CATSPER3: variants seen among roughly 807,000 people sequenced by gnomAD.
CATSPER3 encodes the protein cation channel sperm-associated protein 3.
CATSPER3 carries 23 observed loss-of-function variants against 36.6 expected under a neutral mutation model. The ratio of observed to expected loss-of-function variants is 0.63; its 90% confidence interval spans 0.45 to 0.89. The LOEUF (loss-of-function observed/expected upper bound fraction) is 0.89. Among genes scored for constraint, CATSPER3 ranks in the 40% least tolerant of loss-of-function variants. The pLI is 0.00. For missense variants in CATSPER3, 474 were observed against 503.9 expected, an observed-to-expected ratio of 0.94 and a Z score of 0.57; for synonymous variants, 172 against 184.1, an observed-to-expected ratio of 0.93 and a Z score of 0.53.
Position 134,969,970 on chromosome 5 carries a change from A to AAG in CATSPER3, c.135_136dup (p.Val46GlufsTer3). The AAG allele has an allele frequency of 6.2e-7, 1 of 1,614,072 alleles. No homozygotes were observed. Reference sequence around the variant, plus strand: ...CGATGATGAATGTCGGGCATTTGTGAAGAGAGTCATAATGAGCCGTTTCTT... The same window carrying AAG: ...CGATGATGAATGTCGGGCATTTGTGAAGAGAGAGTCATAATGAGCCGTTTCTT... On this transcript the variant is annotated frameshift_variant, in exon 2 of 8. Coordinates refer to ENST00000282611, the MANE Select transcript of CATSPER3 (RefSeq NM_178019.3). LOFTEE classifies it high-confidence loss of function.
chr5:134,989,119 A>C (rs1158176805), intron 2 of CATSPER3, among the ~76,000 whole-genome samples: 1 of 152,178 alleles, frequency 6.6e-6, no homozygotes, highest in Non-Finnish European at 1.5e-5. Context: ...AGGTCTCAAC[A>C]GTGAGCTTAA....
chr5:134,996,633 G>C, intron 3 of CATSPER3, 121 bp downstream of exon 3: 1 of 899,290 alleles, frequency 1.1e-6, no homozygotes, highest in Non-Finnish European at 1.8e-6. Flanking sequence ...AACGTGTGTG[G>C]CAGGTTGATC....
chr5:135,009,354 A>T lies in CATSPER3; in HGVS notation c.817-17A>T. On this transcript the variant is annotated splice_polypyrimidine_tract_variant and intron_variant, in intron 5 of 7. Transcript: ENST00000282611. ...TAGCGAGAGCCTGTAGTTGACCTCC[A>T]TCGTCTGACTCTCTAGGACTCCATC... 1 of 1,612,866 alleles carries T rather than the reference A, an allele frequency of 6.2e-7. No homozygotes were observed.
intron 2 of CATSPER3, among the ~76,000 whole-genome samples, chr5:134,973,708 T>A (rs1362241898): frequency 6.6e-6 from 1 of 152,214 alleles, no homozygotes; most frequent in Non-Finnish European, 1.5e-5. Flanking sequence ...ATAATTGCCA[T>A]GTATTGAAAC....
At chr5:135,002,828 A>G (rs891909897) in intron 3 of CATSPER3, among the ~76,000 whole-genome samples, 1 of 151,874 alleles carries the variant, frequency 6.6e-6, no homozygotes, top group African/African-American at 2.4e-5. Flanking sequence ...CCTTCTCTAC[A>G]CTGGTTATTC....
chr5:134,998,404 G>T (rs1469139328), intron 3 of CATSPER3, among the ~76,000 whole-genome samples: 3 of 152,196 alleles, frequency 2.0e-5, no homozygotes, highest in African/African-American at 7.2e-5. Flanking sequence ...CTTTATAGCA[G>T]CATGATTTAT....
intron 3 of CATSPER3, among the ~76,000 whole-genome samples, chr5:135,004,084 C>T (rs1311175900): frequency 2.0e-5 from 3 of 152,356 alleles, no homozygotes; most frequent in Non-Finnish European, 4.4e-5. Context: ...CTTATTCAGC[C>T]ATCATCTCCT....
chr5:134,997,454 A>C (rs935166847), intron 3 of CATSPER3, among the ~76,000 whole-genome samples: 1 of 152,154 alleles, frequency 6.6e-6, no homozygotes, highest in Non-Finnish European at 1.5e-5. Flanking sequence ...CTTCTGGGGA[A>C]AGGTGTCTGT....
At chr5:134,981,853 G>A (rs1751755894) in intron 2 of CATSPER3, among the ~76,000 whole-genome samples, 1 of 152,212 alleles carries the variant, frequency 6.6e-6, no homozygotes, top group South Asian at 2.1e-4. Context: ...AAAGAGGCCA[G>A]GTGCGGTGGC....
intron 1 of CATSPER3, 134 bp downstream of exon 1, chr5:134,968,223 A>G (rs149288152): frequency 2.7e-4 from 191 of 707,860 alleles, no homozygotes; most frequent in African/African-American, 2.6e-3. Flanking sequence ...GTCCTTGACA[A>G]TCTGGTTTCT....
Position 134,996,408 on chromosome 5 carries a change from G to A in CATSPER3, c.388G>A (p.Ala130Thr). The change falls in exon 3 of 8, where the codon GCC becomes ACC. Residue 130 changes from alanine (A) to threonine (T), a missense_variant. By Grantham distance (58) the Ala-to-Thr change is moderately conservative. Transcript: ENST00000282611. The stretch of plus-strand genomic sequence containing the variant: ...TATCATCGTTATGTTTTTACCCTAT[G>A]CCCTCCGCCAGCTCATGGGCAAACA... ...IIIIVMFLPY[A>T]LRQLMGKQFT... The A allele has an allele frequency of 6.2e-7, 1 of 1,614,240 alleles. No homozygotes were observed. The highest frequency in any genetic ancestry group is 8.5e-7 in the Non-Finnish European group (1 of 1,180,040).
chr5:135,010,439 G>A lies in CATSPER3; in HGVS notation c.1003G>A (p.Asp335Asn). ...ENFKKTLSHT[D>N]PMVLDDFGTS... ...CTTTAAGAAGACCTTGAGCCACACT[G>A]ACCCAATGGTCTTGGATGATTTTGG... Residue 335 changes from aspartate (D) to asparagine (N), a missense_variant, in exon 7 of 8, where the codon GAC becomes AAC. Transcript: ENST00000282611. 1 of 1,613,192 alleles carries A rather than the reference G, an allele frequency of 6.2e-7. No homozygotes were observed. The highest frequency in any genetic ancestry group is 2.2e-5 in the East Asian group (1 of 44,886).
At chr5:134,987,698 A>C (rs536915678) in intron 2 of CATSPER3, among the ~76,000 whole-genome samples, 1 of 152,202 alleles carries the variant, frequency 6.6e-6, no homozygotes, top group Non-Finnish European at 1.5e-5. Context: ...GAGTGAAGGA[A>C]AAAAATTCAC....
chr5:134,995,313 T>G (rs974893678), intron 2 of CATSPER3, among the ~76,000 whole-genome samples: 1 of 152,172 alleles, frequency 6.6e-6, no homozygotes, highest in African/African-American at 2.4e-5. Context: ...TGGTAACCAC[T>G]AGTCTACTCT....
At position 134,976,018 on chromosome 5, in the gene CATSPER3, A is replaced by G. The variant is rs537268406; in HGVS notation, c.252+5926A>G. On this transcript the variant is annotated intron_variant, in intron 2 of 7. Coordinates refer to ENST00000282611, the MANE Select transcript of CATSPER3 (RefSeq NM_178019.3). The stretch of plus-strand genomic sequence containing the variant: ...ACATTATGTTAAGTGAAATAAGCCA[A>G]GCACAGAAGAACAAATACTACATGA... Among the ~76,000 whole-genome samples the G allele has an allele frequency of 5.9e-5, 9 of 152,364 alleles. No individual in the cohort carries two copies. The South Asian group carries it at 1.9e-3, about 32-fold the overall frequency.
chr5:134,978,723 CTT>C (rs751795550), intron 2 of CATSPER3, among the ~76,000 whole-genome samples: 20 of 142,032 alleles, frequency 1.4e-4, no homozygotes, highest in Non-Finnish European at 1.2e-4. Context: ...GTTATATTTT[CTT>C]TTTTTTTTTT....
rs1428898033 is a variant in CATSPER3, at chr5:134,996,312, T to C, written c.292T>C (p.Leu98=). The C allele has an allele frequency of 3.1e-6, 5 of 1,614,232 alleles. No homozygotes were observed. Among genetic ancestry groups the C allele is most frequent in the Admixed American group, 1.7e-5 (1 of 60,036 alleles). The change falls in exon 3 of 8, where the codon TTG becomes CTG. Residue 98 remains leucine, a synonymous_variant. Transcript: ENST00000282611. The stretch of plus-strand genomic sequence containing the variant: ...CTTTGTGTCCATCTGCACATCTGAG[T>C]TGTCCATGAAGGTCTATGTGGACCC... The part of the protein sequence containing the change: ...IFFVSICTSE[L]SMKVYVDPIN...
At chr5:134,974,941 A>G (rs565152956) in intron 2 of CATSPER3, among the ~76,000 whole-genome samples, 50 of 152,246 alleles carry the variant, frequency 3.3e-4, no homozygotes, top group South Asian at 1.5e-3. Context: ...GTCACTAAGC[A>G]TGTATCCTGG....
intron 2 of CATSPER3, among the ~76,000 whole-genome samples, chr5:134,978,931 C>T (rs995293813): frequency 6.6e-6 from 1 of 151,952 alleles, no homozygotes. Flanking sequence ...ACCATGTTAG[C>T]CAGGATGGTC....
Sources: gnomAD v4.1 joint callset for allele counts (sites outside exome capture counted in the v4.1 genomes callset) on GRCh38, gnomAD v4.1.1 for gene constraint, MANE v1.5 for transcripts, NCBI Gene and HGNC (gene_info 2026-07-23, HGNC 2026-07-21) for gene names.